MYO3B: variants seen among roughly 807,000 people sequenced by gnomAD.
The protein encoded by MYO3B is myosin IIIB, also known as myosin-IIIb.
Under a neutral mutation model 174.6 loss-of-function variants are expected in MYO3B, and 156 were observed. The observed-to-expected ratio is 0.89, with a 90% CI of 0.78 to 1.02. MYO3B has a LOEUF of 1.02. Ranked by LOEUF, MYO3B falls within the 50% of genes least tolerant of loss-of-function variation. The pLI is 0.00. For synonymous variants in MYO3B, 563 were observed against 569.1 expected (o/e 0.99, Z 0.15); for missense variants, 1,632 against 1,639.4 (o/e 1.00, Z 0.08).
intron 9 of MYO3B, among the ~76,000 whole-genome samples, chr2:170,371,818 C>G (rs1458046157): frequency 1.3e-5 from 2 of 151,356 alleles, no homozygotes; most frequent in African/African-American, 4.8e-5. Flanking sequence ...AAACCACTGG[C>G]TTGGCAGGGT....
intron 7 of MYO3B, among the ~76,000 whole-genome samples, chr2:170,277,041 T>A (rs947813811): frequency 6.6e-6 from 1 of 152,084 alleles, no homozygotes; most frequent in Admixed American, 6.6e-5. Flanking sequence ...TTTGCTCTAG[T>A]GGAAAATGTC....
chr2:170,189,854 G>T (rs1161446112), intron 1 of MYO3B, among the ~76,000 whole-genome samples: 1 of 152,014 alleles, frequency 6.6e-6, no homozygotes, highest in Non-Finnish European at 1.5e-5. Flanking sequence ...AGTTTGTTTG[G>T]TTAGGTCATG....
chr2:170,586,032 C>A (rs1433915374), intron 32 of MYO3B, among the ~76,000 whole-genome samples: 1 of 148,176 alleles, frequency 6.7e-6, no homozygotes, highest in Non-Finnish European at 1.5e-5. Context: ...AAACAAAAAA[C>A]AAACAAACAA....
rs369440757 is a variant in MYO3B, at chr2:170,532,255, C to T, written c.3576-10651C>T. ...TTACAAAATGACCGGCCTGTAGGCT[C>T]CAAAATGAAACATGACAGAAGACTG... On this transcript the variant is annotated intron_variant, in intron 30 of 34. Coordinates refer to ENST00000408978, the MANE Select transcript of MYO3B (RefSeq NM_138995.5). Among the ~76,000 whole-genome samples, 10 of 152,160 alleles carry T rather than the reference C, an allele frequency of 6.6e-5. No homozygotes were observed. In the East Asian group the frequency reaches 1.9e-3, roughly 29 times the overall value.
At chr2:170,353,765 T>C (rs933154740) in intron 8 of MYO3B, among the ~76,000 whole-genome samples, 2 of 152,230 alleles carry the variant, frequency 1.3e-5, no homozygotes, top group Non-Finnish European at 2.9e-5. Flanking sequence ...CTCTGCATGC[T>C]ACTTTTCTAA....
Position 170,466,606 on chromosome 2 carries a change from G to C in MYO3B, c.2909G>C (p.Arg970Pro), listed in dbSNP as rs35169479. The C allele has an allele frequency of 8.1e-6, 13 of 1,614,182 alleles. No individual in the cohort carries two copies. The Admixed American group carries it at 1.2e-4, about 14-fold the overall frequency. Residue 970 changes from arginine (R) to proline (P), a missense_variant, in exon 25 of 35, where the codon CGA becomes CCA. Physicochemically the swap from Arg to Pro is moderately radical, Grantham distance 103. Transcript: ENST00000408978. ...GACCGAGAGGCCCTGCAGTTCTCTC[G>C]AGAGAGGGTGCTGGCCCAGCTCCGC... ...NDDREALQFS[R>P]ERVLAQLRST...
intron 22 of MYO3B, chr2:170,412,311 T>C (rs569024517): frequency 6.6e-6 from 1 of 152,290 alleles, no homozygotes; most frequent in East Asian, 1.9e-4. Flanking sequence ...GACTTCCAAA[T>C]AGTAGTTTGG....
intron 32 of MYO3B, among the ~76,000 whole-genome samples, chr2:170,568,588 A>G (rs886565504): frequency 6.6e-6 from 1 of 152,202 alleles, no homozygotes; most frequent in African/African-American, 2.4e-5. Flanking sequence ...TCAAGCTACC[A>G]GGTTTGTATT....
intron 23 of MYO3B, among the ~76,000 whole-genome samples, chr2:170,447,515 T>C (rs1416844270): frequency 6.6e-6 from 1 of 152,230 alleles, no homozygotes; most frequent in Admixed American, 6.5e-5. Flanking sequence ...ATGGGATTCT[T>C]TGGAGTCTAT....
At chr2:170,364,795 A>G (rs1397435926) in intron 8 of MYO3B, among the ~76,000 whole-genome samples, 2 of 152,184 alleles carry the variant, frequency 1.3e-5, no homozygotes, top group Non-Finnish European at 2.9e-5. Flanking sequence ...AAACAGTAAG[A>G]ATTCTGGGCA....
intron 7 of MYO3B, among the ~76,000 whole-genome samples, chr2:170,309,340 G>A (rs1305321641): frequency 6.6e-6 from 1 of 152,064 alleles, no homozygotes; most frequent in Non-Finnish European, 1.5e-5. Context: ...AAATGCTAAG[G>A]AGGTACTAGC....
chr2:170,500,713 G>A (rs931447610), intron 27 of MYO3B, among the ~76,000 whole-genome samples: 2 of 152,098 alleles, frequency 1.3e-5, no homozygotes, highest in South Asian at 2.1e-4. Flanking sequence ...GATATGTGCC[G>A]CATCTCCCAG....
intron 23 of MYO3B, among the ~76,000 whole-genome samples, chr2:170,455,980 C>T (rs1575006997): frequency 6.7e-6 from 1 of 149,474 alleles, no homozygotes; most frequent in Non-Finnish European, 1.5e-5. Context: ...AAGACTTCCT[C>T]ACTCTCTGAA....
At chr2:170,325,182 A>G (rs1024785151) in intron 7 of MYO3B, among the ~76,000 whole-genome samples, 4 of 151,972 alleles carry the variant, frequency 2.6e-5, no homozygotes, top group African/African-American at 9.7e-5. Flanking sequence ...CCGCTGTTAC[A>G]AGTTAAACAT....
intron 22 of MYO3B, among the ~76,000 whole-genome samples, chr2:170,421,608 T>A (rs976328611): frequency 6.6e-6 from 1 of 152,188 alleles, no homozygotes; most frequent in South Asian, 2.1e-4. Context: ...ACCAGAAGCT[T>A]TATCTGTGAG....
chr2:170,461,428 G>C (rs537630363), intron 23 of MYO3B, among the ~76,000 whole-genome samples: 2 of 138,196 alleles, frequency 1.4e-5, no homozygotes, highest in Non-Finnish European at 3.0e-5. Context: ...AGCTGAGATC[G>C]CACCATTGCA....
At chr2:170,651,826 AC>A in intron 33 of MYO3B, 92 bp downstream of exon 33, 1 of 537,836 alleles carries the variant, frequency 1.9e-6, no homozygotes, top group Non-Finnish European at 3.0e-6. Flanking sequence ...CTGCAGCCCC[AC>A]CCCCACCCTC....
At chr2:170,618,007 C>T (rs1695575789) in intron 32 of MYO3B, among the ~76,000 whole-genome samples, 1 of 152,186 alleles carries the variant, frequency 6.6e-6, no homozygotes, top group East Asian at 1.9e-4. Context: ...TTAATGAGAG[C>T]CCTGATATCA....
chr2:170,204,984 C>A (rs76907834), intron 3 of MYO3B, among the ~76,000 whole-genome samples: 3,674 of 152,132 alleles, frequency 0.024, 64 homozygotes, highest in South Asian at 0.064. Context: ...TTTCTATAAC[C>A]CATAGGCTGC....
Sources: allele counts gnomAD v4.1 joint callset (sites outside exome capture counted in the v4.1 genomes callset), GRCh38; gene constraint gnomAD v4.1.1; transcripts MANE v1.5; gene names NCBI Gene and HGNC (gene_info 2026-07-23, HGNC 2026-07-21).